Variants in DAB1 observed in about 807,000 individuals in gnomAD.
The protein encoded by DAB1 is DAB adaptor protein 1.
A neutral mutation model predicts 64.6 loss-of-function variants in DAB1; 15 were observed. That is an observed-to-expected ratio of 0.23 (90% CI 0.16 to 0.36). The LOEUF is 0.36. Among genes scored for constraint, DAB1 ranks in the 10% least tolerant of loss-of-function variants. The pLI is 1.00. For missense variants in DAB1, 596 were observed against 706.7 expected (o/e 0.84, Z 1.78); for synonymous variants, 235 against 251.9 (o/e 0.93, Z 0.64).
At chr1:58,539,279 C>T (rs1646566060) in intron 1 of DAB1, 1 of 843,030 alleles carries the variant, frequency 1.2e-6, no homozygotes, top group Non-Finnish European at 2.0e-6. Flanking sequence ...GACTGCAATC[C>T]ACAGATGAAG....
At chr1:57,359,727 A>G (rs1458405691) in intron 1 of DAB1, among the ~76,000 whole-genome samples, 1 of 152,116 alleles carries the variant, frequency 6.6e-6, no homozygotes, top group Non-Finnish European at 1.5e-5. Context: ...AAAATGTGGT[A>G]TATACACAAT....
intron 5 of DAB1, among the ~76,000 whole-genome samples, chr1:57,992,613 CAG>C (rs1646362287): frequency 6.6e-6 from 1 of 152,140 alleles, no homozygotes; most frequent in Non-Finnish European, 1.5e-5. Flanking sequence ...TCAGCGTTTT[CAG>C]AGTGAGGACA....
chr1:57,242,682 C>T (rs1412381646), intron 2 of DAB1, among the ~76,000 whole-genome samples: 2 of 152,168 alleles, frequency 1.3e-5, no homozygotes, highest in African/African-American at 4.8e-5. Flanking sequence ...TTCCTCAACT[C>T]TTGGAACATT....
chr1:58,159,568 G>C (rs1383522938), intron 4 of DAB1, among the ~76,000 whole-genome samples: 4 of 152,146 alleles, frequency 2.6e-5, no homozygotes, highest in Admixed American at 2.0e-4. Context: ...TCTCCACGCT[G>C]TACACTCAAC....
Position 58,024,634 on chromosome 1 carries a change from G to T in DAB1, n.387+125877C>A, listed in dbSNP as rs183704892. ...ATGAAGTCCTGGTTATCTTGTGATG[G>T]TTAATTTTATGTGTCAACTTGGCCA... On this transcript the variant is annotated intron_variant and non_coding_transcript_variant, in intron 5 of 20. Coordinates refer to the DAB1 transcript ENST00000485760. 2.6e-5 allele frequency among the ~76,000 whole-genome samples: 4 copies of T among 152,268 alleles called. 1 individual carries two copies. The East Asian group carries it at 7.7e-4, about 29-fold the overall frequency.
At chr1:57,483,436 T>C (rs1259773210) in intron 7 of DAB1, among the ~76,000 whole-genome samples, 1 of 152,200 alleles carries the variant, frequency 6.6e-6, no homozygotes, top group African/African-American at 2.4e-5. Context: ...TCTGCTGCCA[T>C]GTAAGATGTG....
At chr1:57,243,863 C>A (rs550547803) in intron 2 of DAB1, among the ~76,000 whole-genome samples, 1 of 152,286 alleles carries the variant, frequency 6.6e-6, no homozygotes, top group Non-Finnish European at 1.5e-5. Context: ...AAAAGGACAT[C>A]AGCCTCAAGG....
chr1:58,042,622 T>C (rs1196431525), intron 5 of DAB1, among the ~76,000 whole-genome samples: 1 of 151,916 alleles, frequency 6.6e-6, no homozygotes, highest in Non-Finnish European at 1.5e-5. Context: ...TAGGAAGAAA[T>C]AGATACTGCT....
At chr1:57,829,765 G>A (rs1652505930) in intron 1 of DAB1, among the ~76,000 whole-genome samples, 2 of 152,154 alleles carry the variant, frequency 1.3e-5, no homozygotes, top group Admixed American at 6.5e-5. Context: ...TGAAGGTTCA[G>A]CAAGATTTCT....
chr1:57,312,017 G>C (rs1017617362), intron 1 of DAB1, among the ~76,000 whole-genome samples: 1 of 152,196 alleles, frequency 6.6e-6, no homozygotes, highest in African/African-American at 2.4e-5. Context: ...TGTGGCAAGG[G>C]AGGCGGAGGT....
At chr1:57,251,642 A>G (rs867350761) in intron 2 of DAB1, among the ~76,000 whole-genome samples, 1 of 152,260 alleles carries the variant, frequency 6.6e-6, no homozygotes, top group East Asian at 1.9e-4. Context: ...TCATTTCAGG[A>G]CTTTTATCAG....
At chr1:58,321,199 A>G (rs1413401343) in intron 4 of DAB1, among the ~76,000 whole-genome samples, 1 of 152,218 alleles carries the variant, frequency 6.6e-6, no homozygotes, top group African/African-American at 2.4e-5. Context: ...TACACTTAGA[A>G]TACATGTAAA....
At chr1:58,542,003 A>C (rs767381412) in intron 1 of DAB1, among the ~76,000 whole-genome samples, 4 of 152,250 alleles carry the variant, frequency 2.6e-5, no homozygotes, top group Non-Finnish European at 4.4e-5. Context: ...TTATCTAGAA[A>C]GATGCTCCAG....
intron 7 of DAB1, among the ~76,000 whole-genome samples, chr1:57,547,092 A>G (rs1239647444): frequency 1.3e-5 from 2 of 152,138 alleles, no homozygotes; most frequent in East Asian, 3.9e-4. Context: ...TGAGACCAAG[A>G]GAAAAATAAC....
intron 4 of DAB1, among the ~76,000 whole-genome samples, chr1:57,127,680 G>A (rs189600051): frequency 6.6e-5 from 10 of 152,288 alleles, no homozygotes; most frequent in Admixed American, 5.2e-4. Context: ...AAAAATTTAA[G>A]AGTAGTTGTG....
chr1:58,193,660 A>G (rs1189616660), intron 4 of DAB1, among the ~76,000 whole-genome samples: 1 of 152,204 alleles, frequency 6.6e-6, no homozygotes, highest in Non-Finnish European at 1.5e-5. Context: ...GTTCAAGACC[A>G]TTCTGGGCAA....
intron 7 of DAB1, among the ~76,000 whole-genome samples, chr1:57,632,462 A>G (rs1426478642): frequency 1.3e-5 from 2 of 152,220 alleles, no homozygotes; most frequent in African/African-American, 4.8e-5. Context: ...AGCAGAGAGG[A>G]AAGTGGTAGG....
chr1:58,252,650 C>A (rs1660830978), intron 4 of DAB1, among the ~76,000 whole-genome samples: 1 of 152,144 alleles, frequency 6.6e-6, no homozygotes. Flanking sequence ...ACCACAGAAA[C>A]TCAATGAGAT....
At chr1:58,156,646 T>C (rs1333974834) in intron 4 of DAB1, among the ~76,000 whole-genome samples, 3 of 152,220 alleles carry the variant, frequency 2.0e-5, no homozygotes, top group East Asian at 1.9e-4. Context: ...GAAGCTTTTT[T>C]GTGTAAGGCA....
Sources: allele counts gnomAD v4.1 joint callset (sites outside exome capture counted in the v4.1 genomes callset), GRCh38; gene constraint gnomAD v4.1.1; transcripts MANE v1.5; gene names NCBI Gene and HGNC (gene_info 2026-07-23, HGNC 2026-07-21).